FILIP1L: variants seen among roughly 807,000 people sequenced by gnomAD.
The protein encoded by FILIP1L is filamin A interacting protein 1 like.
In FILIP1L, 55 loss-of-function variants were observed where a neutral mutation model predicts 96.6. That is an observed-to-expected ratio of 0.57 (90% CI 0.46 to 0.71). The LOEUF is 0.71. Among genes scored for constraint, FILIP1L ranks in the 30% least tolerant of loss-of-function variants. The probability of loss-of-function intolerance (pLI) is 0.00; values close to 1 mark genes in which losing one functional copy is unlikely to be tolerated. For missense variants in FILIP1L, 1,304 were observed against 1,321.2 expected, an observed-to-expected ratio of 0.99 and a Z score of 0.20; for synonymous variants, 467 against 473.9, an observed-to-expected ratio of 0.99 and a Z score of 0.19.
intron 5 of FILIP1L, among the ~76,000 whole-genome samples, chr3:99,832,754 C>T (rs1161391644): frequency 3.4e-5 from 5 of 146,176 alleles, no homozygotes; most frequent in African/African-American, 1.3e-4. Context: ...GCAGGAGAAT[C>T]GCTTGAACCC....
intron 1 of FILIP1L, among the ~76,000 whole-genome samples, chr3:100,014,895 C>CTTTTT (rs1233573719): frequency 2.3e-3 from 57 of 25,008 alleles, no homozygotes; most frequent in South Asian, 5.9e-3. Context: ...TTCTTTCTTT[C>CTTTTT]TTTTTTTTTT....
chr3:100,084,836 AT>A (rs2065983036), intron 1 of FILIP1L, among the ~76,000 whole-genome samples: 1 of 152,204 alleles, frequency 6.6e-6, no homozygotes, highest in Admixed American at 6.5e-5. Context: ...CGTAGGTGGA[AT>A]TTGGTTGCTA....
intron 5 of FILIP1L, among the ~76,000 whole-genome samples, chr3:99,834,937 G>A (rs1225269673): frequency 6.6e-6 from 1 of 152,200 alleles, no homozygotes; most frequent in Non-Finnish European, 1.5e-5. Context: ...GGGGAGTAGA[G>A]ATATTGTGTA....
intron 1 of FILIP1L, among the ~76,000 whole-genome samples, chr3:99,944,309 C>T (rs1436903893): frequency 2.6e-5 from 4 of 152,146 alleles, no homozygotes; most frequent in African/African-American, 9.7e-5. Flanking sequence ...TATGATCCTG[C>T]CAGTTTGGAG....
chr3:99,932,698 T>A (rs896806076), intron 1 of FILIP1L, among the ~76,000 whole-genome samples: 3 of 152,162 alleles, frequency 2.0e-5, no homozygotes, highest in Non-Finnish European at 4.4e-5. Context: ...AAGACCAGCC[T>A]GGCCAACATG....
At chr3:99,841,557 A>G (rs1401666416) in intron 5 of FILIP1L, among the ~76,000 whole-genome samples, 1 of 152,208 alleles carries the variant, frequency 6.6e-6, no homozygotes, top group Non-Finnish European at 1.5e-5. Flanking sequence ...GCTGAGGACG[A>G]GGTAGGCTTT....
At chr3:99,891,038 T>C (rs1049199456) in intron 4 of FILIP1L, among the ~76,000 whole-genome samples, 7 of 152,050 alleles carry the variant, frequency 4.6e-5, no homozygotes, top group Admixed American at 1.3e-4. Flanking sequence ...ATCTTTGGGA[T>C]TTTTTTCTTT....
chr3:99,992,668 A>C (rs1437554304), intron 1 of FILIP1L, among the ~76,000 whole-genome samples: 2 of 151,916 alleles, frequency 1.3e-5, no homozygotes, highest in East Asian at 3.9e-4. Context: ...TTTTAGTTTA[A>C]TTAAGTCCAA....
At chr3:99,986,387 T>C (rs1413546069) in intron 1 of FILIP1L, among the ~76,000 whole-genome samples, 2 of 152,194 alleles carry the variant, frequency 1.3e-5, no homozygotes, top group Non-Finnish European at 2.9e-5. Context: ...TCAGGGGGTT[T>C]TGCATATTTT....
intron 1 of FILIP1L, among the ~76,000 whole-genome samples, chr3:100,073,911 C>G (rs899465422): frequency 3.9e-5 from 6 of 152,178 alleles, no homozygotes; most frequent in Non-Finnish European, 5.9e-5. Context: ...TGATTGCCCA[C>G]TGAAGTTTTC....
At chr3:99,916,454 A>C (rs1309765131) in intron 4 of FILIP1L, among the ~76,000 whole-genome samples, 1 of 148,656 alleles carries the variant, frequency 6.7e-6, no homozygotes, top group African/African-American at 2.6e-5. Context: ...ACACACACAC[A>C]CACACACACA....
At position 99,829,480 on chromosome 3, in the gene FILIP1L, A is replaced by G. The variant is rs1000340465; in HGVS notation, c.*934T>C. On this transcript the variant is annotated 3_prime_UTR_variant, in exon 6 of 6. Coordinates refer to ENST00000477258, the MANE Select transcript of FILIP1L (RefSeq NM_001387850.1). ...TTTGTATTAATAGTTGGGCATATTC[A>G]TAGGTTATCAGAACTGGAAGGGACC... Among the ~76,000 whole-genome samples the G allele has an allele frequency of 6.6e-6, 1 of 152,232 alleles. No individual in the cohort carries two copies. Among genetic ancestry groups the G allele is most frequent in the East Asian group, 1.9e-4 (1 of 5,198 alleles).
At chr3:99,860,029 T>C (rs1257868046) in intron 4 of FILIP1L, among the ~76,000 whole-genome samples, 2 of 152,188 alleles carry the variant, frequency 1.3e-5, no homozygotes, top group East Asian at 3.8e-4. Context: ...ACAGTAACAC[T>C]TTTTTTGGCA....
intron 1 of FILIP1L, among the ~76,000 whole-genome samples, chr3:100,047,248 G>A (rs957946454): frequency 6.6e-6 from 1 of 152,050 alleles, no homozygotes; most frequent in Admixed American, 6.6e-5. Flanking sequence ...TTCTTCTTTT[G>A]AGAACAATAT....
At chr3:99,882,433 C>T (rs547900569) in intron 4 of FILIP1L, among the ~76,000 whole-genome samples, 2 of 152,208 alleles carry the variant, frequency 1.3e-5, no homozygotes, top group African/African-American at 4.8e-5. Context: ...CATATAATGG[C>T]TGGAAATGTA....
chr3:99,958,649 C>G (rs1291476527), intron 1 of FILIP1L, among the ~76,000 whole-genome samples: 2 of 152,092 alleles, frequency 1.3e-5, no homozygotes, highest in East Asian at 3.8e-4. Flanking sequence ...TCTTGGTACT[C>G]TTGCAGGAGA....
intron 4 of FILIP1L, among the ~76,000 whole-genome samples, chr3:99,906,954 G>A (rs927188479): frequency 6.6e-6 from 1 of 152,210 alleles, no homozygotes; most frequent in Admixed American, 6.5e-5. Context: ...GTTTCATGGA[G>A]CAGAACGACT....
chr3:99,863,441 G>A (rs1380008453), intron 4 of FILIP1L, among the ~76,000 whole-genome samples: 1 of 152,168 alleles, frequency 6.6e-6, no homozygotes, highest in African/African-American at 2.4e-5. Context: ...TTAGTACACT[G>A]TATATACTAT....
intron 4 of FILIP1L, among the ~76,000 whole-genome samples, chr3:99,864,914 G>A (rs774615195): frequency 3.3e-5 from 5 of 152,018 alleles, no homozygotes; most frequent in South Asian, 2.1e-4. Flanking sequence ...GTGTATGTGC[G>A]CACACACGCA....
Sources: allele counts gnomAD v4.1 joint callset (sites outside exome capture counted in the v4.1 genomes callset), GRCh38; gene constraint gnomAD v4.1.1; transcripts MANE v1.5; gene names NCBI Gene and HGNC (gene_info 2026-07-23, HGNC 2026-07-21).